Variants in FBXO3 observed in about 807,000 individuals in gnomAD.
FBXO3 encodes F-box only protein 3.
A neutral mutation model predicts 64.8 loss-of-function variants in FBXO3; 17 were observed. That is an observed-to-expected ratio of 0.26 (90% CI 0.18 to 0.39). The LOEUF is 0.39. FBXO3 is among the 10% of genes least tolerant of loss of function. The pLI is 1.00. For synonymous variants in FBXO3, 182 were observed against 201.6 expected (o/e 0.90, Z 0.82); for missense variants, 420 against 589.9 (o/e 0.71, Z 2.98).
Position 33,741,648 on chromosome 11 carries a change from T to C in FBXO3, c.*260A>G. The C allele has an allele frequency of 3.3e-6, 1 of 299,732 alleles. No homozygotes were observed. Among genetic ancestry groups the C allele is most frequent in the Non-Finnish European group, 6.1e-6 (1 of 164,314 alleles). 18.6% of individuals were successfully genotyped at this position (299,732 alleles called of 1,614,324 possible). A position where few individuals can be genotyped will look rare whatever the true frequency, so the allele number is the denominator to read the frequency against. On this transcript the variant is annotated 3_prime_UTR_variant, in exon 11 of 11. Transcript: ENST00000265651. Reference sequence around the variant, plus strand: ...ATATTTTAAAACAAAGGTATGTCCATTCCTTAGCTAGAGAACTATTCTTCC... The same window carrying C: ...ATATTTTAAAACAAAGGTATGTCCACTCCTTAGCTAGAGAACTATTCTTCC...
intron 4 of FBXO3, chr11:33,756,988 T>A (rs1338604587): frequency 1.9e-6 from 1 of 518,576 alleles, no homozygotes; most frequent in Non-Finnish European, 3.8e-6. Flanking sequence ...TGCGTTGGCA[T>A]CCCAAAGAGC....
At chr11:33,766,838 C>G (rs1855382191) in intron 3 of FBXO3, among the ~76,000 whole-genome samples, 1 of 152,032 alleles carries the variant, frequency 6.6e-6, no homozygotes, top group African/African-American at 2.4e-5. Context: ...CTGCAGACAT[C>G]AAAGAGCCTT....
intron 10 of FBXO3, chr11:33,742,869 A>G: frequency 6.6e-6 from 1 of 152,160 alleles, no homozygotes; most frequent in East Asian, 1.9e-4. Flanking sequence ...TTTGGGAAGT[A>G]TTCAGTGGGG....
intron 2 of FBXO3, among the ~76,000 whole-genome samples, chr11:33,770,362 T>C (rs1855482101): frequency 6.6e-6 from 1 of 152,256 alleles, no homozygotes; most frequent in African/African-American, 2.4e-5. Flanking sequence ...ATCTGTACTT[T>C]GATTCTGTCA....
chr11:33,751,405 C>T, intron 7 of FBXO3, 118 bp downstream of exon 7: 1 of 651,286 alleles, frequency 1.5e-6, no homozygotes, highest in Non-Finnish European at 2.6e-6. Context: ...CTATTATCAA[C>T]CTCAATAGAG....
chr11:33,763,080 G>C (rs1590580497), intron 3 of FBXO3: 1 of 194,314 alleles, frequency 5.1e-6, no homozygotes, highest in East Asian at 1.2e-4. Flanking sequence ...AATCAAAATA[G>C]TCCTATATCT....
chr11:33,758,937 A>C (rs1855175966), intron 3 of FBXO3, among the ~76,000 whole-genome samples: 1 of 140,378 alleles, frequency 7.1e-6, no homozygotes, highest in African/African-American at 2.5e-5. Context: ...AAAAAAAAAA[A>C]CAGCAAAACC....
rs765337108 is a variant in FBXO3, at chr11:33,770,797, T to G, written c.138A>C (p.Leu46=). The G allele has an allele frequency of 2.5e-6, 4 of 1,610,576 alleles. No individual in the cohort carries two copies. The African/African-American group carries it at 5.3e-5, about 22-fold the overall frequency. The change falls in exon 2 of 11, where the codon CTA becomes CTC. Residue 46 remains leucine (L), a synonymous_variant. Transcript: ENST00000265651. ...TTCTCCACAGCGGATCATGACTTGA[T>G]AGCTGGCTAAGTCTTCGACTGACAT... ...CCYVSRRLSQ[L]SSHDPLWRRH...
intron 5 of FBXO3, among the ~76,000 whole-genome samples, chr11:33,754,917 G>A (rs1590571401): frequency 6.6e-6 from 1 of 150,400 alleles, no homozygotes; most frequent in Middle Eastern, 3.5e-3. Flanking sequence ...CCAGGCTGGA[G>A]TGCAGTGGCT....
intron 10 of FBXO3, chr11:33,742,937 T>C (rs1170724140): frequency 6.6e-6 from 1 of 152,188 alleles, no homozygotes; most frequent in Non-Finnish European, 1.5e-5. Flanking sequence ...GGAACTGCAG[T>C]CATCTCACGA....
Position 33,748,769 on chromosome 11 carries a change from T to C in FBXO3, c.1048+8A>G, listed in dbSNP as rs766065854. 3.6e-5 allele frequency: 57 copies of C among 1,581,566 alleles called. 1 individual carries two copies. In the Admixed American group the frequency reaches 7.2e-4, roughly 20 times the overall value. ...TTAATGTATAAACCTAAATCTTGGG[T>C]TCCATACCAACTACTCCAGGTCCTT... On this transcript the variant is annotated splice_region_variant and intron_variant, in intron 9 of 10. Coordinates refer to ENST00000265651, the MANE Select transcript of FBXO3 (RefSeq NM_012175.4).
At chr11:33,767,436 A>G (rs1038496196) in intron 3 of FBXO3, among the ~76,000 whole-genome samples, 2 of 152,158 alleles carry the variant, frequency 1.3e-5, no homozygotes, top group African/African-American at 4.8e-5. Flanking sequence ...AGTAGCTGGG[A>G]CTACAGGCGC....
In FBXO3 at chr11:33,747,316, T is replaced by G; in HGVS notation, c.1053A>C (p.Glu351Asp). ...CCCGACCTGGGCTGATGATTGGAAA[T>G]TCACCTGCAGGGAAAACAGTAACAA... ...EEVQGPGVVG[E>D]FPIISPGRVY... is the part of the protein sequence containing the mutation. The change falls in exon 10 of 11, where the codon GAA (glutamate) becomes GAC (aspartate). Residue 351 changes from glutamate (E) to aspartate (D), a missense_variant. By Grantham distance (45) the Glu-to-Asp change is conservative. This residue lies in a region of FBXO3 where 337 missense variants were observed against 518.4 expected (regional missense o/e 0.65). Coordinates refer to ENST00000265651, the MANE Select transcript of FBXO3 (RefSeq NM_012175.4). 6.2e-7 allele frequency: 1 copy of G among 1,607,006 alleles called. No homozygotes were observed. The highest frequency in any genetic ancestry group is 8.5e-7 in the Non-Finnish European group (1 of 1,178,230).
At chr11:33,751,127 T>C (rs1231724967) in intron 7 of FBXO3, among the ~76,000 whole-genome samples, 1 of 152,230 alleles carries the variant, frequency 6.6e-6, no homozygotes, top group East Asian at 1.9e-4. Flanking sequence ...CAGTACTCCC[T>C]ACAATACCTG....
intron 3 of FBXO3, among the ~76,000 whole-genome samples, chr11:33,764,688 A>C (rs943771933): frequency 2.0e-5 from 3 of 152,186 alleles, no homozygotes; most frequent in African/African-American, 7.2e-5. Flanking sequence ...CAAAACTGTC[A>C]AGGTGCTGGG....
chr11:33,750,430 A>G (rs1289890191), intron 8 of FBXO3, 109 bp downstream of exon 8: 2 of 1,305,880 alleles, frequency 1.5e-6, no homozygotes, highest in Non-Finnish European at 2.1e-6. Context: ...AACTTCAGCA[A>G]GTTCTTTCAA....
At chr11:33,746,981 C>G in intron 10 of FBXO3, 149 bp downstream of exon 10, 10 of 1,480,178 alleles carry the variant, frequency 6.8e-6, no homozygotes, top group Non-Finnish European at 8.0e-6. Flanking sequence ...CCATTTCTCT[C>G]AACAAATTCA....
intron 1 of FBXO3, chr11:33,773,832 G>C (rs1472945729): frequency 1.3e-5 from 2 of 153,330 alleles, no homozygotes; most frequent in Non-Finnish European, 2.9e-5. Context: ...AATGCTGACA[G>C]CAAAACAATT....
intron 4 of FBXO3, 80 bp downstream of exon 4, chr11:33,758,407 A>G: frequency 2.0e-6 from 2 of 1,009,450 alleles, no homozygotes; most frequent in Non-Finnish European, 2.9e-6. Flanking sequence ...GTTAAGGGTA[A>G]CTACAAATAC....
Sources: allele counts gnomAD v4.1 joint callset (sites outside exome capture counted in the v4.1 genomes callset), GRCh38; gene constraint gnomAD v4.1.1; regional missense constraint gnomAD v4.1.1; transcripts MANE v1.5; gene names NCBI Gene and HGNC (gene_info 2026-07-23, HGNC 2026-07-21).